FMN2: variants seen among roughly 807,000 people sequenced by gnomAD.
The protein encoded by FMN2 is formin-2.
FMN2 carries 51 observed loss-of-function variants against 142.3 expected under a neutral mutation model. The observed-to-expected ratio is 0.36, with a 90% CI of 0.29 to 0.45. FMN2 has a LOEUF of 0.45. Ranked by LOEUF, FMN2 falls within the 20% of genes least tolerant of loss-of-function variation. The pLI is 1.00. For synonymous variants in FMN2, 882 were observed against 869.8 expected, an observed-to-expected ratio of 1.01 and a Z score of -0.25; for missense variants, 1,936 against 2,122.8, an observed-to-expected ratio of 0.91 and a Z score of 1.73.
At chr1:240,217,809 A>G (rs1055616302) in intron 6 of FMN2, among the ~76,000 whole-genome samples, 15 of 151,998 alleles carry the variant, frequency 9.9e-5, no homozygotes, top group African/African-American at 3.4e-4. Flanking sequence ...CTAAAAATAA[A>G]AAAAAAAACA....
chr1:240,156,464 T>G (rs1664030356), intron 2 of FMN2, among the ~76,000 whole-genome samples: 1 of 152,232 alleles, frequency 6.6e-6, no homozygotes, highest in African/African-American at 2.4e-5. Context: ...CATGTTGCTC[T>G]TGTTACATTT....
chr1:240,246,596 G>A (rs1412865880), intron 6 of FMN2, among the ~76,000 whole-genome samples: 4 of 152,252 alleles, frequency 2.6e-5, no homozygotes, highest in East Asian at 3.9e-4. Context: ...GGCATCACCC[G>A]AAAGCTCGTT....
rs1423513792 is a variant in FMN2, at chr1:240,124,856, C to T, written c.1782+1511C>T. Among the ~76,000 whole-genome samples the T allele has an allele frequency of 5.9e-5, 9 of 152,092 alleles. No individual in the cohort carries two copies. In the East Asian group the frequency reaches 7.8e-4, roughly 13 times the overall value. ...CTAATTTTTGTATTTTTAGTAGAGA[C>T]GGGGTTTCACCATGTTGTTCAGGCT... On this transcript the variant is annotated intron_variant, in intron 2 of 17. Transcript: ENST00000319653.
chr1:240,147,034 G>GT (rs986089512), intron 2 of FMN2, among the ~76,000 whole-genome samples: 12 of 152,154 alleles, frequency 7.9e-5, no homozygotes, highest in Admixed American at 3.3e-4. Flanking sequence ...AGTCTATTTG[G>GT]TTTTTTCAGT....
At position 240,473,013 on chromosome 1, in the gene FMN2, T is replaced by C. The variant is rs184639134; in HGVS notation, c.5142+560T>C. Among the ~76,000 whole-genome samples, 58 of 151,910 alleles carry C rather than the reference T, an allele frequency of 3.8e-4. No individual in the cohort carries two copies. Among genetic ancestry groups the C allele is most frequent in the African/African-American group, 1.4e-3 (56 of 41,432 alleles). On this transcript the variant is annotated intron_variant, in intron 17 of 17. Coordinates refer to ENST00000319653, the MANE Select transcript of FMN2 (RefSeq NM_020066.5). This position sits in a 1 kb window ranked among gnomAD's most constrained non-coding sequence, Gnocchi z 4.3. The stretch of plus-strand genomic sequence containing the variant: ...GAGGGTGTGCATTTATGTGGATATG[T>C]GCATGTTGGCAGGGGCAGGGTGGGG...
chr1:240,117,076 A>T (rs764182094), intron 1 of FMN2, among the ~76,000 whole-genome samples: 1 of 152,078 alleles, frequency 6.6e-6, no homozygotes, highest in Non-Finnish European at 1.5e-5. Context: ...AAGAAGTGAG[A>T]TCTTGGCACG....
chr1:240,267,622 C>G (rs573628996), intron 7 of FMN2, among the ~76,000 whole-genome samples: 161 of 125,994 alleles, frequency 1.3e-3, no homozygotes, highest in African/African-American at 4.8e-3. Flanking sequence ...TGCACTTGTA[C>G]CCCTGAACTT....
chr1:240,336,264 G>C (rs145732761), intron 13 of FMN2, among the ~76,000 whole-genome samples: 1 of 152,254 alleles, frequency 6.6e-6, no homozygotes, highest in East Asian at 1.9e-4. Context: ...ACATTTGGTA[G>C]CACAGAAGAT....
chr1:240,438,247 T>C lies in FMN2; in HGVS notation c.5060+37T>C, dbSNP rs772432698. 6 of 1,595,636 alleles carry C rather than the reference T, an allele frequency of 3.8e-6. No individual in the cohort carries two copies. In the East Asian group the frequency reaches 9.0e-5, roughly 24 times the overall value. On this transcript the variant is annotated intron_variant, in intron 16 of 17. Transcript: ENST00000319653. ...CATTTGCACAATGGCATTTTAAAAC[T>C]GGTGTTTTATTAGGTGTGGCACCAC...
intron 2 of FMN2, among the ~76,000 whole-genome samples, chr1:240,132,594 A>G (rs2103235831): frequency 6.6e-6 from 1 of 152,240 alleles, no homozygotes; most frequent in East Asian, 1.9e-4. Context: ...AACCTTGAGA[A>G]GCAGAGAGAG....
chr1:240,259,160 C>A (rs969481022), intron 7 of FMN2, among the ~76,000 whole-genome samples: 4 of 152,156 alleles, frequency 2.6e-5, no homozygotes, highest in Non-Finnish European at 5.9e-5. Context: ...TGGCGCCAGG[C>A]AGTACTTGGT....
chr1:240,326,629 C>A (rs1671179480), intron 8 of FMN2, among the ~76,000 whole-genome samples: 1 of 152,066 alleles, frequency 6.6e-6, no homozygotes, highest in Admixed American at 6.6e-5. Context: ...GTCTATTCAA[C>A]AGCTAGATTG....
intron 15 of FMN2, among the ~76,000 whole-genome samples, chr1:240,414,046 G>T (rs1031405159): frequency 1.3e-5 from 2 of 152,200 alleles, no homozygotes; most frequent in Admixed American, 1.3e-4. Context: ...AATAGTATGT[G>T]ATGATTATTA....
intron 1 of FMN2, among the ~76,000 whole-genome samples, chr1:240,101,990 C>A (rs1216575568): frequency 1.3e-5 from 2 of 152,064 alleles, no homozygotes; most frequent in Non-Finnish European, 2.9e-5. Flanking sequence ...GGATTGTAGG[C>A]TTTGAATTTT....
At chr1:240,254,362 C>G (rs1236407420) in intron 6 of FMN2, among the ~76,000 whole-genome samples, 3 of 151,834 alleles carry the variant, frequency 2.0e-5, no homozygotes, top group African/African-American at 7.3e-5. Context: ...TCCTCAGGCC[C>G]TCAGAAGGAG....
Position 240,092,637 on chromosome 1 carries a change from C to T in FMN2, c.528C>T (p.Ser176=). The change falls in exon 1 of 18, where the codon AGC becomes AGT. Residue 176 remains serine (S), a synonymous_variant. Transcript: ENST00000319653. ...AAGAQDGQRT[S]SGSDTDIYSF... is the part of the protein sequence containing the mutation. Reference sequence around the variant, plus strand: ...GGGCGCAGGATGGACAAAGGACCAGCTCGGGCTCGGACACGGACATCTATA... The same window carrying T: ...GGGCGCAGGATGGACAAAGGACCAGTTCGGGCTCGGACACGGACATCTATA... The T allele has an allele frequency of 6.2e-7, 1 of 1,614,116 alleles. No individual in the cohort carries two copies.
chr1:240,097,886 A>G (rs1442601295), intron 1 of FMN2, among the ~76,000 whole-genome samples: 1 of 152,090 alleles, frequency 6.6e-6, no homozygotes, highest in African/African-American at 2.4e-5. Flanking sequence ...CCAGGCTCAG[A>G]CAGTAAAGTA....
chr1:240,453,604 T>G (rs1316793239), intron 16 of FMN2, among the ~76,000 whole-genome samples: 1 of 152,090 alleles, frequency 6.6e-6, no homozygotes, highest in Admixed American at 6.6e-5. Context: ...GAGGAAGAAC[T>G]GGACAGAATG....
chr1:240,468,129 A>G (rs1676680693), intron 16 of FMN2, among the ~76,000 whole-genome samples: 1 of 151,958 alleles, frequency 6.6e-6, no homozygotes, highest in Admixed American at 6.6e-5. Context: ...TTAGTTCTCT[A>G]ATAGGGTGAA....
Sources: gnomAD v4.1 joint callset for allele counts (sites outside exome capture counted in the v4.1 genomes callset) on GRCh38, gnomAD v4.1.1 for gene constraint, Gnocchi (gnomAD v3.1) non-coding constraint, MANE v1.5 for transcripts, NCBI Gene and HGNC (gene_info 2026-07-23, HGNC 2026-07-21) for gene names.